The following BRINP3 variants were observed in gnomAD, a reference collection of about 807,000 sequenced individuals.
BRINP3 encodes the protein BMP/retinoic acid inducible neural specific 3.
Under a neutral mutation model 71.0 loss-of-function variants are expected in BRINP3, and 19 were observed. The observed-to-expected ratio is 0.27, with a 90% CI of 0.19 to 0.39. BRINP3 has a LOEUF of 0.39. Among genes scored for constraint, BRINP3 ranks in the 10% least tolerant of loss-of-function variants. The pLI is 1.00. For missense variants in BRINP3, 959 were observed against 940.8 expected (o/e 1.02, Z -0.25); for synonymous variants, 380 against 337.7 (o/e 1.13, Z -1.37).
At chr1:190,424,394 G>A (rs1415852348) in intron 2 of BRINP3, among the ~76,000 whole-genome samples, 1 of 151,690 alleles carries the variant, frequency 6.6e-6, no homozygotes, top group Non-Finnish European at 1.5e-5. Context: ...GATGTTGACA[G>A]AGGAGCATTT....
chr1:190,405,244 G>A (rs961149093), intron 2 of BRINP3, among the ~76,000 whole-genome samples: 2 of 151,970 alleles, frequency 1.3e-5, no homozygotes, highest in African/African-American at 4.8e-5. Flanking sequence ...GAGGTCAGCA[G>A]ATCGAGACCA....
At chr1:190,298,286 C>T (rs1214397627) in intron 2 of BRINP3, among the ~76,000 whole-genome samples, 2 of 151,954 alleles carry the variant, frequency 1.3e-5, no homozygotes, top group African/African-American at 4.8e-5. Context: ...TTTCAAAGAA[C>T]TAGGTTTTTG....
At chr1:190,350,495 T>G (rs1365045781) in intron 2 of BRINP3, among the ~76,000 whole-genome samples, 1 of 152,094 alleles carries the variant, frequency 6.6e-6, no homozygotes, top group Admixed American at 6.6e-5. Flanking sequence ...CACCAAATAC[T>G]AAAATGCTAA....
intron 1 of BRINP3, among the ~76,000 whole-genome samples, chr1:190,455,448 T>C (rs1675920751): frequency 6.6e-6 from 1 of 152,180 alleles, no homozygotes; most frequent in East Asian, 1.9e-4. Flanking sequence ...CATAAATATA[T>C]GTATGTATAT....
At chr1:190,334,885 T>C (rs969275218) in intron 2 of BRINP3, among the ~76,000 whole-genome samples, 2 of 151,608 alleles carry the variant, frequency 1.3e-5, no homozygotes, top group Admixed American at 1.3e-4. Flanking sequence ...AAAAAAGAAG[T>C]GGTGGTAGTC....
intron 1 of BRINP3, among the ~76,000 whole-genome samples, chr1:190,472,008 T>C (rs1417622585): frequency 6.6e-6 from 1 of 151,542 alleles, no homozygotes; most frequent in East Asian, 1.9e-4. Context: ...GATACTAGCA[T>C]TAAAAAAAAG....
intron 6 of BRINP3, among the ~76,000 whole-genome samples, chr1:190,203,682 T>C (rs1655213312): frequency 6.9e-6 from 1 of 144,096 alleles, no homozygotes; most frequent in African/African-American, 2.5e-5. Context: ...TCCCTAATAG[T>C]AAATACCTTC....
chr1:190,454,573 TGAAA>T, intron 2 of BRINP3, 78 bp downstream of exon 2: 1 of 1,152,522 alleles, frequency 8.7e-7, no homozygotes, highest in Non-Finnish European at 1.2e-6. Flanking sequence ...TTTTCCCGTC[TGAAA>T]CTTTCCCTTA....
At chr1:190,391,400 T>C (rs2102306058) in intron 2 of BRINP3, among the ~76,000 whole-genome samples, 1 of 151,980 alleles carries the variant, frequency 6.6e-6, no homozygotes, top group Middle Eastern at 3.4e-3. Context: ...TTTGCTGTTA[T>C]ATAATTGCTA....
intron 6 of BRINP3, among the ~76,000 whole-genome samples, chr1:190,189,965 C>CA (rs1174450409): frequency 6.6e-6 from 1 of 151,990 alleles, no homozygotes; most frequent in African/African-American, 2.4e-5. Flanking sequence ...GTGGCACTGC[C>CA]AAAAGTCTGG....
At chr1:190,102,071 C>T (rs1405481635) in intron 7 of BRINP3, among the ~76,000 whole-genome samples, 2 of 152,096 alleles carry the variant, frequency 1.3e-5, no homozygotes, top group East Asian at 3.9e-4. Context: ...TTACTTGCTC[C>T]TTTGCGTCCT....
chr1:190,357,359 C>T (rs185871119), intron 2 of BRINP3, among the ~76,000 whole-genome samples: 171 of 151,988 alleles, frequency 1.1e-3, no homozygotes, highest in Non-Finnish European at 1.6e-3. Context: ...AGAGGAACTT[C>T]GATTATAGTA....
chr1:190,287,829 T>G (rs74502442), intron 2 of BRINP3, among the ~76,000 whole-genome samples: 2 of 152,154 alleles, frequency 1.3e-5, no homozygotes, highest in African/African-American at 4.8e-5. Context: ...TATGCACACT[T>G]CAGATTTTTA....
At position 190,454,783 on chromosome 1, in the gene BRINP3, C is replaced by G; in HGVS notation, c.108G>C (p.Ser36=). Residue 36 remains serine, a synonymous_variant, in exon 2 of 8, where the codon TCG becomes TCC. Transcript: ENST00000367462. ...HCWVLAVAAV[S]DQHATSPFDW... is the part of the protein sequence containing the mutation. ...CGAAGGGGCTTGTGGCATGCTGATC[C>G]GAAACAGCAGCAACCGCTAAAACCC... 1.2e-6 allele frequency: 2 copies of G among 1,614,078 alleles called. No individual in the cohort carries two copies. The highest frequency in any genetic ancestry group is 1.7e-6 in the Non-Finnish European group (2 of 1,180,018).
At chr1:190,465,994 A>G (rs1426682376) in intron 1 of BRINP3, among the ~76,000 whole-genome samples, 1 of 151,918 alleles carries the variant, frequency 6.6e-6, no homozygotes, top group Admixed American at 6.6e-5. Flanking sequence ...GGCAGAATCT[A>G]AGAATAGAAA....
intron 2 of BRINP3, among the ~76,000 whole-genome samples, chr1:190,294,609 T>G (rs1558153659): frequency 6.6e-6 from 1 of 152,302 alleles, no homozygotes; most frequent in East Asian, 1.9e-4. Flanking sequence ...TCTCCAGGTC[T>G]GGTGACTGGC....
chr1:190,161,661 A>G (rs1382271173), intron 6 of BRINP3, among the ~76,000 whole-genome samples: 1 of 152,110 alleles, frequency 6.6e-6, no homozygotes. Flanking sequence ...AAAATAAATA[A>G]TAATAAAGAA....
intron 2 of BRINP3, among the ~76,000 whole-genome samples, chr1:190,306,417 G>T (rs1231865264): frequency 2.0e-5 from 3 of 151,772 alleles, no homozygotes; most frequent in Non-Finnish European, 4.4e-5. Context: ...GGGCCATAAA[G>T]ACAGAAATGA....
At chr1:190,254,395 C>G (rs552349146) in intron 4 of BRINP3, among the ~76,000 whole-genome samples, 8 of 152,078 alleles carry the variant, frequency 5.3e-5, no homozygotes, top group Non-Finnish European at 1.0e-4. Context: ...TTGATTCTTC[C>G]TATCCATGAG....
Sources: gnomAD v4.1 joint callset for allele counts (sites outside exome capture counted in the v4.1 genomes callset) on GRCh38, gnomAD v4.1.1 for gene constraint, MANE v1.5 for transcripts, NCBI Gene and HGNC (gene_info 2026-07-23, HGNC 2026-07-21) for gene names.